The following SRPRA variants were observed in gnomAD, a reference collection of about 807,000 sequenced individuals.
SRPRA encodes signal recognition particle receptor subunit alpha.
In SRPRA, 30 loss-of-function variants were observed where a neutral mutation model predicts 61.1. That is an observed-to-expected ratio of 0.49 (90% CI 0.37 to 0.67). The LOEUF is 0.67. Among genes scored for constraint, SRPRA ranks in the 30% least tolerant of loss-of-function variants. The pLI, the probability that SRPRA is intolerant of heterozygous loss-of-function variation, is 0.00. For missense variants in SRPRA, 759 were observed against 828.4 expected (o/e 0.92, Z 1.03); for synonymous variants, 324 against 299.7 (o/e 1.08, Z -0.84).
At chr11:126,247,999 T>TAC in the SRPRA span, among the ~76,000 whole-genome samples, 1 of 134,602 alleles carries the variant, frequency 7.4e-6, no homozygotes. Context: ...TATATATATA[T>TAC]ACAAGGCGTG....
the SRPRA span, among the ~76,000 whole-genome samples, chr11:126,252,183 C>T: frequency 2.6e-5 from 4 of 152,134 alleles, no homozygotes; most frequent in African/African-American, 7.2e-5. This position sits in a 1 kb window ranked among gnomAD's most constrained non-coding sequence, Gnocchi z 4.7. Flanking sequence ...GACAGGGTTT[C>T]ACCATGTTGG....
chr11:126,244,218 A>G, the SRPRA span, among the ~76,000 whole-genome samples: 2 of 152,194 alleles, frequency 1.3e-5, no homozygotes, highest in Non-Finnish European at 2.9e-5. This position sits in a 1 kb window ranked among gnomAD's most constrained non-coding sequence, Gnocchi z 4.5. Context: ...CTCCTGTCCA[A>G]CATGGTGCTG....
the SRPRA span, among the ~76,000 whole-genome samples, chr11:126,238,338 A>G: frequency 6.6e-6 from 1 of 152,178 alleles, no homozygotes; most frequent in African/African-American, 2.4e-5. Flanking sequence ...TCTCAAAAAA[A>G]AAAGCCAGTT....
the SRPRA span, among the ~76,000 whole-genome samples, chr11:126,236,285 T>C: frequency 3.3e-5 from 5 of 152,234 alleles, no homozygotes; most frequent in African/African-American, 4.8e-5. Flanking sequence ...AGAAAATTAT[T>C]TGGACATATT....
At chr11:126,250,605 C>CAA in the SRPRA span, 1 of 1,613,774 alleles carries the variant, frequency 6.2e-7, no homozygotes, top group South Asian at 1.1e-5. This position sits in a 1 kb window ranked among gnomAD's most constrained non-coding sequence, Gnocchi z 5.1. Context: ...ACAGCTACTT[C>CAA]AGTCAGTTCT....
the SRPRA span, among the ~76,000 whole-genome samples, chr11:126,252,755 C>G: frequency 6.6e-6 from 1 of 152,080 alleles, no homozygotes; most frequent in African/African-American, 2.4e-5. The surrounding 1 kb of genome is among the most constrained non-coding windows in gnomAD (Gnocchi z 4.7). Flanking sequence ...AATAAATAGG[C>G]TGGGCACAGT....
the SRPRA span, among the ~76,000 whole-genome samples, chr11:126,241,850 T>A: frequency 6.6e-6 from 1 of 151,998 alleles, no homozygotes; most frequent in Admixed American, 6.6e-5. Context: ...GCACCCAGCC[T>A]GTTTTAAAAT....
At chr11:126,242,105 G>A in the SRPRA span, among the ~76,000 whole-genome samples, 1 of 151,562 alleles carries the variant, frequency 6.6e-6, no homozygotes, top group Non-Finnish European at 1.5e-5. Context: ...AATTAAAAAT[G>A]GATCAAAGAC....
In SRPRA at chr11:126,264,484, G is replaced by T; in HGVS notation, c.1581C>A (p.Asp527Glu). 1.2e-6 allele frequency: 2 copies of T among 1,614,098 alleles called. No homozygotes were observed. The highest frequency in any genetic ancestry group is 4.5e-5 in the East Asian group (2 of 44,882). Residue 527 changes from aspartate (D) to glutamate (E), a missense_variant, in exon 12 of 14, where the codon GAC becomes GAA. Physicochemically the swap from Asp to Glu is conservative, Grantham distance 45. Coordinates refer to ENST00000332118, the MANE Select transcript of SRPRA (RefSeq NM_003139.4). This position sits in a 1 kb window ranked among gnomAD's most constrained non-coding sequence, Gnocchi z 5.0. ...CCAGGGCAGTCATCAGAGGGGCATT[G>T]TCTTGCATGCGGCCTGCCGTGTCCA... Reference protein sequence around the residue: ...VLVDTAGRMQDNAPLMTALAK... With the variant: ...VLVDTAGRMQENAPLMTALAK...
the SRPRA span, among the ~76,000 whole-genome samples, chr11:126,248,832 G>A: frequency 1.3e-4 from 20 of 152,148 alleles, no homozygotes; most frequent in Admixed American, 2.0e-4. Context: ...ACACATGAAC[G>A]TTAGGGGACC....
the SRPRA span, among the ~76,000 whole-genome samples, chr11:126,240,115 G>A: frequency 6.6e-6 from 1 of 152,200 alleles, no homozygotes; most frequent in African/African-American, 2.4e-5. Flanking sequence ...CACCCATGCT[G>A]TCTCACATAT....
the SRPRA span, among the ~76,000 whole-genome samples, chr11:126,253,775 GCCCAGGCTT>G: frequency 6.6e-6 from 1 of 152,182 alleles, no homozygotes; most frequent in Non-Finnish European, 1.5e-5. This position sits in a 1 kb window ranked among gnomAD's most constrained non-coding sequence, Gnocchi z 5.1. Flanking sequence ...CAGCAGGCTA[GCCCAGGCTT>G]CTTCACTTTC....
chr11:126,261,432 G>C (rs1020440413), downstream of SRPRA: 14 of 1,613,788 alleles, frequency 8.7e-6, no homozygotes, highest in Non-Finnish European at 1.2e-5. Flanking sequence ...TAGCAGGGAT[G>C]GTGAGAGAAG....
Position 126,266,614 on chromosome 11 carries a change from T to C in SRPRA, c.702A>G (p.Ser234=), listed in dbSNP as rs1161865668. The stretch of plus-strand genomic sequence containing the variant: ...TTTTGCCCTTCTCCTTTGGAGCATC[T>C]GACTTCGTGGACTTGCTGCAACAGG... ...GMEKSNKSTK[S]DAPKEKGKKA... Residue 234 remains serine (S), a synonymous_variant, in exon 6 of 14, where the codon TCA becomes TCG. Coordinates refer to ENST00000332118, the MANE Select transcript of SRPRA (RefSeq NM_003139.4). 1.9e-6 allele frequency: 3 copies of C among 1,613,874 alleles called. No homozygotes were observed. The highest frequency in any genetic ancestry group is 2.5e-6 in the Non-Finnish European group (3 of 1,179,922).
At chr11:126,261,526 A>G (rs913846754), downstream of SRPRA, 15 of 1,536,994 alleles carry the variant, frequency 9.8e-6, no homozygotes, top group Middle Eastern at 1.4e-3. Context: ...TCTGTAGCAG[A>G]AAGTCTTTCT....
the SRPRA span, among the ~76,000 whole-genome samples, chr11:126,248,036 C>T: frequency 6.6e-6 from 1 of 150,398 alleles, no homozygotes. Context: ...GTCCCAGCTA[C>T]TCGGGAGGAT....
At chr11:126,261,490 C>A (rs771780788), downstream of SRPRA, 8 of 1,609,776 alleles carry the variant, frequency 5.0e-6, no homozygotes, top group Non-Finnish European at 6.0e-6. Flanking sequence ...AAGAGGTATA[C>A]TGTTTCCTAT....
chr11:126,247,845 G>A, the SRPRA span, among the ~76,000 whole-genome samples: 7 of 135,034 alleles, frequency 5.2e-5, no homozygotes, highest in South Asian at 2.5e-4. Context: ...GTGACAGATC[G>A]AGACTCCATC....
At chr11:126,256,303 T>C in the SRPRA span, among the ~76,000 whole-genome samples, 2 of 152,210 alleles carry the variant, frequency 1.3e-5, no homozygotes, top group African/African-American at 2.4e-5. This position sits in a 1 kb window ranked among gnomAD's most constrained non-coding sequence, Gnocchi z 6.6. Context: ...AGAAGTAAAC[T>C]ACTGCACCAG....
Sources: allele counts gnomAD v4.1 joint callset (sites outside exome capture counted in the v4.1 genomes callset), GRCh38; gene constraint gnomAD v4.1.1; non-coding constraint Gnocchi (gnomAD v3.1); transcripts MANE v1.5; gene names NCBI Gene and HGNC (gene_info 2026-07-23, HGNC 2026-07-21).